Variants in MGAT5B observed in about 807,000 individuals in gnomAD.
MGAT5B encodes alpha-1,6-mannosylglycoprotein 6-beta-N-acetylglucosaminyltransferase B.
Under a neutral mutation model 95.1 loss-of-function variants are expected in MGAT5B, and 54 were observed. That is an observed-to-expected ratio of 0.57 (90% CI 0.46 to 0.71). The LOEUF is 0.71. MGAT5B is among the 30% of genes least tolerant of loss of function. The probability of loss-of-function intolerance (pLI) is 0.00; values close to 1 mark genes in which losing one functional copy is unlikely to be tolerated. For missense variants in MGAT5B, 935 were observed against 1,088.6 expected (o/e 0.86, Z 1.99); for synonymous variants, 464 against 451.0 (o/e 1.03, Z -0.36).
At chr17:76,894,194 C>T (rs1012875463) in intron 3 of MGAT5B, among the ~76,000 whole-genome samples, 1 of 152,190 alleles carries the variant, frequency 6.6e-6, no homozygotes, top group African/African-American at 2.4e-5. Flanking sequence ...TCCAGCTGTC[C>T]GTCTCCAGCC....
rs146061665 is a variant in MGAT5B at position 76,879,642 on chromosome 17, G to A, written c.182-2509G>A. Among the ~76,000 whole-genome samples, 503 of 152,320 alleles carry A rather than the reference G, an allele frequency of 3.3e-3. 3 individuals carry two copies. Among genetic ancestry groups the A allele is most frequent in the South Asian group, 0.012 (60 of 4,832 alleles). Reference sequence around the variant, plus strand: ...GTTGTAGAAAGCAGTGGCCAGGCAGGTCATCTGATGTCCTCCAGTTTTTTT... The same window carrying A: ...GTTGTAGAAAGCAGTGGCCAGGCAGATCATCTGATGTCCTCCAGTTTTTTT... On this transcript the variant is annotated intron_variant, in intron 2 of 17. Coordinates refer to ENST00000569840, the MANE Select transcript of MGAT5B (RefSeq NM_001199172.2).
At position 76,938,558 on chromosome 17, in the gene MGAT5B, C is replaced by T. The variant is rs1969749415; in HGVS notation, c.1584+415C>T. 6.6e-6 allele frequency among the ~76,000 whole-genome samples: 1 copy of T among 152,190 alleles called. No homozygotes were observed. The highest frequency in any genetic ancestry group is 6.5e-5 in the Admixed American group (1 of 15,282). ...CCATTGAGCCACTAGTCCTGAGTGA[C>T]TGCTTCAGGGGTCCCTGAGCTGTAC... On this transcript the variant is annotated intron_variant, in intron 13 of 17. Coordinates refer to ENST00000569840, the MANE Select transcript of MGAT5B (RefSeq NM_001199172.2). This position sits in a 1 kb window ranked among gnomAD's most constrained non-coding sequence, Gnocchi z 4.3.
chr17:76,940,900 C>A lies in MGAT5B; in HGVS notation c.1848+52C>A, dbSNP rs1419894637. The A allele has an allele frequency of 6.9e-7, 1 of 1,457,810 alleles. No individual in the cohort carries two copies. Among genetic ancestry groups the A allele is most frequent in the South Asian group, 1.1e-5 (1 of 87,366 alleles). The allele number at this position is 1,457,810 out of a possible 1,614,324, so 90.3% of individuals were successfully genotyped here. A position where few individuals can be genotyped will look rare whatever the true frequency, so the allele number is the denominator to read the frequency against. ...CCCCCCACTAGTCCACACTGCTGGT[C>A]TTCACTCTGATTAGAAAACGGTGCC... On this transcript the variant is annotated intron_variant, in intron 15 of 17. Coordinates refer to ENST00000569840, the MANE Select transcript of MGAT5B (RefSeq NM_001199172.2). This position sits in a 1 kb window ranked among gnomAD's most constrained non-coding sequence, Gnocchi z 4.3.
rs532045848 is a variant in MGAT5B, at chr17:76,878,501, G to T, written c.182-3650G>T. Among the ~76,000 whole-genome samples, 215 of 152,254 alleles carry T rather than the reference G, an allele frequency of 1.4e-3. 1 individual carries two copies. The highest frequency in any genetic ancestry group is 4.2e-3 in the African/African-American group (176 of 41,534). On this transcript the variant is annotated intron_variant, in intron 2 of 17. Transcript: ENST00000569840. Reference sequence around the variant, plus strand: ...TTTTTGTTTGTTTGTTTGAGAGAGGGTCTCGCTCTGTTGCCCAGGCTGGAG... The same window carrying T: ...TTTTTGTTTGTTTGTTTGAGAGAGGTTCTCGCTCTGTTGCCCAGGCTGGAG...
chr17:76,923,364 T>G (rs943783896), intron 8 of MGAT5B, among the ~76,000 whole-genome samples: 1 of 140,582 alleles, frequency 7.1e-6, no homozygotes, highest in African/African-American at 2.9e-5. Flanking sequence ...GTAGGAGGTG[T>G]CCTGGGCCTC....
intron 3 of MGAT5B, among the ~76,000 whole-genome samples, chr17:76,902,074 GTGCAGTTGTGGGCGCACA>G (rs1411968542): frequency 1.3e-5 from 2 of 152,336 alleles, no homozygotes; most frequent in African/African-American, 4.8e-5. Context: ...ATGGGTATGT[GTGCAGTTGTGGGCGCACA>G]TGCAGTTGTG....
intron 3 of MGAT5B, among the ~76,000 whole-genome samples, chr17:76,887,846 C>T (rs57952535): frequency 0.01 from 1,524 of 152,036 alleles, 33 homozygotes; most frequent in African/African-American, 0.034. Flanking sequence ...TGTTAGCCAC[C>T]GTGTCTGGCC....
At chr17:76,888,972 G>A (rs1047793311) in intron 3 of MGAT5B, among the ~76,000 whole-genome samples, 1 of 152,234 alleles carries the variant, frequency 6.6e-6, no homozygotes, top group African/African-American at 2.4e-5. Flanking sequence ...GTGCCCGGAG[G>A]CTGGCTGCAC....
intron 15 of MGAT5B, 88 bp from the exon 16 acceptor site, chr17:76,946,288 C>G (rs747136411): frequency 3.5e-6 from 4 of 1,152,974 alleles, no homozygotes; most frequent in Non-Finnish European, 2.5e-6. Context: ...GAGAGCCCAC[C>G]AGACCTCCAC....
chr17:76,895,300 C>T (rs1968026781), intron 3 of MGAT5B, among the ~76,000 whole-genome samples: 2 of 151,814 alleles, frequency 1.3e-5, no homozygotes, highest in Admixed American at 6.6e-5. Flanking sequence ...ACTGATTCTA[C>T]GTGGTGGTGA....
chr17:76,871,156 G>T (rs1274896158), intron 1 of MGAT5B, among the ~76,000 whole-genome samples: 1 of 152,178 alleles, frequency 6.6e-6, no homozygotes, highest in Non-Finnish European at 1.5e-5. Context: ...AGTGGGGGAA[G>T]TCCGTCCTTG....
At position 76,869,880 on chromosome 17, in the gene MGAT5B, G is replaced by A. The variant is rs1966935855; in HGVS notation, c.68+783G>A. On this transcript the variant is annotated intron_variant, in intron 1 of 17. Coordinates refer to ENST00000569840, the MANE Select transcript of MGAT5B (RefSeq NM_001199172.2). This position sits in a 1 kb window ranked among gnomAD's most constrained non-coding sequence, Gnocchi z 7.0. ...ACTGGACCCAGCCAGGGGCCCCCAG[G>A]GCCCAGCGGTGCCGGGGCAGCCCCC... is the stretch of plus-strand genomic sequence containing the variant. Among the ~76,000 whole-genome samples the A allele has an allele frequency of 6.6e-6, 1 of 152,080 alleles. No individual in the cohort carries two copies. Among genetic ancestry groups the A allele is most frequent in the Admixed American group, 6.5e-5 (1 of 15,278 alleles).
rs1423051733 is a variant in MGAT5B at position 76,947,887 on chromosome 17, T to G, written c.1981T>G (p.Phe661Val). The G allele has an allele frequency of 6.8e-6, 11 of 1,612,546 alleles. No individual in the cohort carries two copies. The highest frequency in any genetic ancestry group is 8.5e-6 in the Non-Finnish European group (10 of 1,179,044). ...LPEAHAPQSP[F>V]VLAPNATHLE... ...AGAGGCCCACGCCCCGCAGAGCCCCTTTGTCCTGGCCCCCAATGCCACCCA... is the reference window on the plus strand; with the variant it reads ...AGAGGCCCACGCCCCGCAGAGCCCCGTTGTCCTGGCCCCCAATGCCACCCA... Residue 661 changes from phenylalanine (F) to valine (V), a missense_variant, in exon 17 of 18, where the codon TTT (phenylalanine) becomes GTT (valine). Phe to Val is a conservative substitution (Grantham distance 50). Transcript: ENST00000569840.
rs1250809805 is a variant in MGAT5B at position 76,882,253 on chromosome 17, G to A, written c.284G>A (p.Ser95Asn). 1 of 1,613,634 alleles carries A rather than the reference G, an allele frequency of 6.2e-7. No individual in the cohort carries two copies. Residue 95 changes from serine to asparagine, a missense_variant, in exon 3 of 18, where the codon AGT (serine) becomes AAT (asparagine). Coordinates refer to ENST00000569840, the MANE Select transcript of MGAT5B (RefSeq NM_001199172.2). ...GCACTGGCCAGGCTGGAGAACAGCA[G>A]TGAGCTGCACCGGGCCGGCGGCGAC... Reference protein sequence around the residue: ...MDALARLENSSELHRAGGDLH... With the variant: ...MDALARLENSNELHRAGGDLH...
At position 76,948,975 on chromosome 17, in the gene MGAT5B, A is replaced by G; in HGVS notation, c.*137A>G. On this transcript the variant is annotated 3_prime_UTR_variant, in exon 18 of 18. Transcript: ENST00000569840. ...CCGGAGCTTCCTTCCTTAGCCGGGAAGCTGGCAGAGGAGAGCCGTGCCCGG... is the reference window on the plus strand; with the variant it reads ...CCGGAGCTTCCTTCCTTAGCCGGGAGGCTGGCAGAGGAGAGCCGTGCCCGG... The G allele has an allele frequency of 9.6e-7, 1 of 1,044,080 alleles. No individual in the cohort carries two copies. Among genetic ancestry groups the G allele is most frequent in the Non-Finnish European group, 1.4e-6 (1 of 737,666 alleles). 64.7% of individuals were successfully genotyped at this position (1,044,080 alleles called of 1,614,324 possible). A position where few individuals can be genotyped will look rare whatever the true frequency, so the allele number is the denominator to read the frequency against.
At position 76,882,229 on chromosome 17, in the gene MGAT5B, C is replaced by T. The variant is rs1598897519; in HGVS notation, c.260C>T (p.Ala87Val). ...GAGCTGATGGTGAAGCGCATGGACGCACTGGCCAGGCTGGAGAACAGCAGT... is the reference window on the plus strand; with the variant it reads ...GAGCTGATGGTGAAGCGCATGGACGTACTGGCCAGGCTGGAGAACAGCAGT... ...LLELMVKRMD[A>V]LARLENSSEL... The change falls in exon 3 of 18, where the codon GCA (alanine) becomes GTA (valine). Residue 87 changes from alanine to valine, a missense_variant. Ala to Val is a moderately conservative substitution (Grantham distance 64). This residue lies in a region of MGAT5B where 243 missense variants were observed against 228.2 expected (regional missense o/e 1.06). Coordinates refer to ENST00000569840, the MANE Select transcript of MGAT5B (RefSeq NM_001199172.2). The T allele has an allele frequency of 4.3e-6, 7 of 1,613,728 alleles. No individual in the cohort carries two copies. Among genetic ancestry groups the T allele is most frequent in the Non-Finnish European group, 5.9e-6 (7 of 1,179,950 alleles).
intron 2 of MGAT5B, among the ~76,000 whole-genome samples, chr17:76,879,065 G>A (rs1040025750): frequency 1.3e-5 from 2 of 152,306 alleles, no homozygotes. Context: ...TTGACTTTCA[G>A]GGGCCTCTGC....
At chr17:76,945,045 T>C (rs1418105493) in intron 15 of MGAT5B, among the ~76,000 whole-genome samples, 2 of 152,136 alleles carry the variant, frequency 1.3e-5, no homozygotes, top group Non-Finnish European at 2.9e-5. Flanking sequence ...CCGGGATGGC[T>C]CCTTCCTGAG....
At chr17:76,871,184 C>G (rs2145106820) in intron 1 of MGAT5B, among the ~76,000 whole-genome samples, 1 of 152,258 alleles carries the variant, frequency 6.6e-6, no homozygotes, top group East Asian at 1.9e-4. Flanking sequence ...ACTGGGAGGA[C>G]AAATAGCTGA....
Sources: allele counts gnomAD v4.1 joint callset (sites outside exome capture counted in the v4.1 genomes callset), GRCh38; gene constraint gnomAD v4.1.1; regional missense constraint gnomAD v4.1.1; non-coding constraint Gnocchi (gnomAD v3.1); transcripts MANE v1.5; gene names NCBI Gene and HGNC (gene_info 2026-07-23, HGNC 2026-07-21).